Variants in EPB41L4B observed in about 807,000 individuals in gnomAD.
EPB41L4B encodes erythrocyte membrane protein band 4.1 like 4B.
In EPB41L4B, 30 loss-of-function variants were observed where a neutral mutation model predicts 112.5. That is an observed-to-expected ratio of 0.27 (90% CI 0.20 to 0.36). EPB41L4B has a LOEUF of 0.36. Among genes scored for constraint, EPB41L4B ranks in the 10% least tolerant of loss-of-function variants. The pLI is 1.00. For synonymous variants in EPB41L4B, 408 were observed against 439.7 expected (o/e 0.93, Z 0.90); for missense variants, 1,024 against 1,133.3 (o/e 0.90, Z 1.38).
At chr9:109,303,858 A>G (rs540972162) in intron 1 of EPB41L4B, among the ~76,000 whole-genome samples, 1 of 152,230 alleles carries the variant, frequency 6.6e-6, no homozygotes, top group Admixed American at 6.5e-5. Flanking sequence ...AGTTTTATAA[A>G]AAATAAAATA....
chr9:109,284,511 C>G (rs1050795824), intron 1 of EPB41L4B, among the ~76,000 whole-genome samples: 2 of 152,150 alleles, frequency 1.3e-5, no homozygotes, highest in Non-Finnish European at 2.9e-5. Flanking sequence ...CTCCTGGGCT[C>G]AAAGGATCCC....
chr9:109,279,094 G>A (rs1470143837), intron 2 of EPB41L4B, among the ~76,000 whole-genome samples: 1 of 152,124 alleles, frequency 6.6e-6, no homozygotes, highest in East Asian at 1.9e-4. Context: ...TCCGTTCACA[G>A]CACCTGCTCT....
Position 109,253,478 on chromosome 9 carries a change from A to G in EPB41L4B, c.1242T>C (p.Ser414=). 1 of 1,614,032 alleles carries G rather than the reference A, an allele frequency of 6.2e-7. No individual in the cohort carries two copies. Among genetic ancestry groups the G allele is most frequent in the Non-Finnish European group, 8.5e-7 (1 of 1,179,864 alleles). Residue 414 remains serine, a synonymous_variant, in exon 12 of 26, where the codon AGT becomes AGC. Coordinates refer to ENST00000374566, the MANE Select transcript of EPB41L4B (RefSeq NM_019114.5). ...AATGTCTCCGGGATGGATAACGTTT[A>G]CTAGGCTTCCTCTCAAAGGTGCTGG... ...RRTSTFERKP[S]KRYPSRRHST...
At chr9:109,190,749 G>T (rs1038919899) in intron 22 of EPB41L4B, among the ~76,000 whole-genome samples, 41 of 152,342 alleles carry the variant, frequency 2.7e-4, no homozygotes, top group African/African-American at 9.1e-4. Context: ...CTTGGGACAA[G>T]TGTCTGCCCC....
At chr9:109,272,955 C>T (rs1181547301) in intron 2 of EPB41L4B, among the ~76,000 whole-genome samples, 1 of 152,120 alleles carries the variant, frequency 6.6e-6, no homozygotes, top group Non-Finnish European at 1.5e-5. Context: ...ACTCACACCC[C>T]TGTCAGCGTC....
At chr9:109,203,321 T>G (rs1328544434) in intron 19 of EPB41L4B, among the ~76,000 whole-genome samples, 1 of 152,154 alleles carries the variant, frequency 6.6e-6, no homozygotes, top group Non-Finnish European at 1.5e-5. Context: ...CCTCCTGCAC[T>G]CTGTTAAGGA....
chr9:109,207,193 G>T (rs1833015721), intron 18 of EPB41L4B, among the ~76,000 whole-genome samples: 1 of 152,184 alleles, frequency 6.6e-6, no homozygotes, highest in South Asian at 2.1e-4. Context: ...CTCAGCTATA[G>T]GGATGGAAAG....
intron 1 of EPB41L4B, among the ~76,000 whole-genome samples, chr9:109,319,799 A>C (rs972900520): frequency 2.0e-5 from 3 of 151,936 alleles, no homozygotes; most frequent in African/African-American, 7.3e-5. Context: ...ACGGAAGGGG[A>C]GCGCCGGCCA....
chr9:109,321,021 G>A lies in EPB41L4B; in HGVS notation c.-575C>T. 5.3e-6 allele frequency: 1 copy of A among 188,144 alleles called. No homozygotes were observed. The allele number at this position is 188,144 out of a possible 1,614,324, so 11.7% of individuals were successfully genotyped here. ...GGCTGCACCTCCAGCCGCCGCCGCCGCCGCCGCCGCCGCTGCCGCCGGGAC... is the reference window on the plus strand; with the variant it reads ...GGCTGCACCTCCAGCCGCCGCCGCCACCGCCGCCGCCGCTGCCGCCGGGAC... On this transcript the variant is annotated 5_prime_UTR_variant, in exon 1 of 26. Transcript: ENST00000374566.
At chr9:109,179,365 C>G (rs985567074) in intron 24 of EPB41L4B, among the ~76,000 whole-genome samples, 2 of 152,154 alleles carry the variant, frequency 1.3e-5, no homozygotes, top group African/African-American at 4.8e-5. Context: ...TGTGGAGAGG[C>G]CAAACCTGCA....
intron 1 of EPB41L4B, among the ~76,000 whole-genome samples, chr9:109,286,438 G>A (rs1317593076): frequency 6.6e-6 from 1 of 152,182 alleles, no homozygotes; most frequent in Admixed American, 6.5e-5. Context: ...CTAGGGAACT[G>A]TGTGCACTGC....
At chr9:109,212,211 T>C in intron 17 of EPB41L4B, among the ~76,000 whole-genome samples, 1 of 152,218 alleles carries the variant, frequency 6.6e-6, no homozygotes, top group East Asian at 1.9e-4. Flanking sequence ...ATGCTGTATT[T>C]CCTTGCAAAA....
In EPB41L4B at chr9:109,253,678, T is replaced by C. The variant is rs1834878276; in HGVS notation, c.1170-128A>G. The C allele has an allele frequency of 6.0e-6, 4 of 665,652 alleles. No homozygotes were observed. In the South Asian group the frequency reaches 7.0e-5, roughly 12 times the overall value. The allele number at this position is 665,652 out of a possible 1,614,324, so 41.2% of individuals were successfully genotyped here. A position where few individuals can be genotyped will look rare whatever the true frequency, so the allele number is the denominator to read the frequency against. On this transcript the variant is annotated intron_variant, in intron 11 of 25. Coordinates refer to ENST00000374566, the MANE Select transcript of EPB41L4B (RefSeq NM_019114.5). ...TCAACTTAGCCTGAACTCACTTGGGTAAAGAAACACAAAGTTTAACCTTCC... is the reference window on the plus strand; with the variant it reads ...TCAACTTAGCCTGAACTCACTTGGGCAAAGAAACACAAAGTTTAACCTTCC...
At chr9:109,217,796 C>T (rs1213815129) in intron 15 of EPB41L4B, among the ~76,000 whole-genome samples, 1 of 152,178 alleles carries the variant, frequency 6.6e-6, no homozygotes, top group Non-Finnish European at 1.5e-5. Context: ...TGGTCTCAAA[C>T]TCCTGGGCTC....
intron 2 of EPB41L4B, among the ~76,000 whole-genome samples, chr9:109,276,134 A>C (rs1835809416): frequency 6.7e-6 from 1 of 148,696 alleles, no homozygotes; most frequent in Non-Finnish European, 1.5e-5. Flanking sequence ...GTATATATAC[A>C]TAATATATAC....
chr9:109,264,812 T>C (rs1835340875), intron 5 of EPB41L4B, among the ~76,000 whole-genome samples, 168 bp downstream of exon 5: 1 of 152,326 alleles, frequency 6.6e-6, no homozygotes, highest in Non-Finnish European at 1.5e-5. Flanking sequence ...TCATTTAAAA[T>C]AGGATGATAA....
intron 1 of EPB41L4B, among the ~76,000 whole-genome samples, chr9:109,290,710 C>CATATATATATATATATATAT (rs138734040): frequency 6.9e-6 from 1 of 145,900 alleles, no homozygotes; most frequent in African/African-American, 2.6e-5. Flanking sequence ...GGAAACTAGC[C>CATATATATATATATATATAT]ATATATATAT....
At chr9:109,231,155 C>T (rs1398982076) in intron 15 of EPB41L4B, among the ~76,000 whole-genome samples, 3 of 121,942 alleles carry the variant, frequency 2.5e-5, no homozygotes, top group East Asian at 4.8e-4. Context: ...GAAACTCCAT[C>T]TCAAAAAAAA....
intron 2 of EPB41L4B, among the ~76,000 whole-genome samples, chr9:109,276,178 CA>C: frequency 6.7e-6 from 1 of 149,574 alleles, no homozygotes; most frequent in African/African-American, 2.5e-5. Flanking sequence ...CACACACACA[CA>C]CACACACACA....
Sources: allele counts gnomAD v4.1 joint callset (sites outside exome capture counted in the v4.1 genomes callset), GRCh38; gene constraint gnomAD v4.1.1; transcripts MANE v1.5; gene names NCBI Gene and HGNC (gene_info 2026-07-23, HGNC 2026-07-21).